LRRC8C: variants seen among roughly 807,000 people sequenced by gnomAD.
The protein encoded by LRRC8C is leucine rich repeat containing 8 VRAC subunit C, also known as volume-regulated anion channel subunit LRRC8C.
In LRRC8C, 20 loss-of-function variants were observed where a neutral mutation model predicts 55.3. That is an observed-to-expected ratio of 0.36 (90% CI 0.25 to 0.53). LRRC8C has a LOEUF of 0.53. Among genes scored for constraint, LRRC8C ranks in the 20% least tolerant of loss-of-function variants. The pLI is 0.92. For missense variants in LRRC8C, 659 were observed against 951.4 expected (o/e 0.69, Z 4.04); for synonymous variants, 376 against 360.7 (o/e 1.04, Z -0.48).
rs1489778976 is a variant in LRRC8C, at chr1:89,715,795, A to T, written c.*813A>T. ...TAATAGATAATTAAATTTTAAAATG[A>T]TAGAAGCCTGGTTTTTGAGTAATTT... On this transcript the variant is annotated 3_prime_UTR_variant, in exon 3 of 3. Transcript: ENST00000370454. 2.6e-5 allele frequency: 4 copies of T among 152,202 alleles called. No homozygotes were observed. Among genetic ancestry groups the T allele is most frequent in the African/African-American group, 9.6e-5 (4 of 41,452 alleles). 9.4% of individuals were successfully genotyped at this position (152,202 alleles called of 1,614,324 possible).
At chr1:89,665,032 A>G (rs1013066262) in intron 1 of LRRC8C, among the ~76,000 whole-genome samples, 5 of 151,502 alleles carry the variant, frequency 3.3e-5, no homozygotes, top group African/African-American at 1.2e-4. Context: ...GCTTAAGGAG[A>G]TGATGATGGG....
chr1:89,691,413 C>T (rs1658024821), intron 2 of LRRC8C, among the ~76,000 whole-genome samples: 1 of 152,162 alleles, frequency 6.6e-6, no homozygotes, highest in African/African-American at 2.4e-5. Context: ...TGGATTGGCA[C>T]AGTGACCGGA....
intron 1 of LRRC8C, among the ~76,000 whole-genome samples, chr1:89,659,034 T>G: frequency 6.7e-6 from 1 of 149,286 alleles, no homozygotes. Flanking sequence ...AATTTTAGGT[T>G]GTGTCTTCTC....
Position 89,715,070 on chromosome 1 carries a change from T to G in LRRC8C, c.*88T>G. The G allele has an allele frequency of 3.6e-6, 3 of 828,808 alleles. No individual in the cohort carries two copies. The highest frequency in any genetic ancestry group is 5.3e-6 in the Non-Finnish European group (3 of 568,146). 51.3% of individuals were successfully genotyped at this position (828,808 alleles called of 1,614,324 possible). Reference sequence around the variant, plus strand: ...TAGTCTTAATGCCTTTCCTATTTTTTTTTCCTTTTCACACAAAATGTACAC... The same window carrying G: ...TAGTCTTAATGCCTTTCCTATTTTTGTTTCCTTTTCACACAAAATGTACAC... On this transcript the variant is annotated 3_prime_UTR_variant, in exon 3 of 3. Transcript: ENST00000370454.
At chr1:89,703,120 T>A (rs539486293) in intron 2 of LRRC8C, among the ~76,000 whole-genome samples, 3 of 152,298 alleles carry the variant, frequency 2.0e-5, no homozygotes, top group African/African-American at 7.2e-5. Context: ...AGATATGGAG[T>A]AGGATTAATC....
Position 89,685,100 on chromosome 1 carries a change from TC to T in LRRC8C, c.-4-1369del, listed in dbSNP as rs370787154. 4.5e-4 allele frequency among the ~76,000 whole-genome samples: 56 copies of T among 124,918 alleles called. 1 individual carries two copies. Among genetic ancestry groups the T allele is most frequent in the African/African-American group, 1.5e-3 (51 of 33,048 alleles). The allele number at this position is 124,918 out of a possible 152,430, so 82.0% of individuals were successfully genotyped here. A position where few individuals can be genotyped will look rare whatever the true frequency, so the allele number is the denominator to read the frequency against. On this transcript the variant is annotated intron_variant, in intron 1 of 2. Coordinates refer to ENST00000370454, the MANE Select transcript of LRRC8C (RefSeq NM_032270.5). ...GTGGGATGTTTATTGTCTATCTAGTTCTTTTTTTTTTTTTTTTTTTTTTTTT... is the reference window on the plus strand; with the variant it reads ...GTGGGATGTTTATTGTCTATCTAGTTTTTTTTTTTTTTTTTTTTTTTTTTT...
chr1:89,656,974 A>ACC, intron 1 of LRRC8C, among the ~76,000 whole-genome samples: 2 of 152,054 alleles, frequency 1.3e-5, no homozygotes, highest in African/African-American at 2.4e-5. Context: ...GGGGTTAAAT[A>ACC]ACCTGCCCAA....
At chr1:89,631,208 C>A (rs573225646), upstream of LRRC8C, among the ~76,000 whole-genome samples, 2 of 152,056 alleles carry the variant, frequency 1.3e-5, no homozygotes, top group South Asian at 4.2e-4. Context: ...CTCACAGCAC[C>A]CTGTAGTACT....
intron 1 of LRRC8C, among the ~76,000 whole-genome samples, chr1:89,644,101 C>T (rs905490808): frequency 6.6e-6 from 1 of 152,196 alleles, no homozygotes; most frequent in Non-Finnish European, 1.5e-5. Context: ...GGTAGGATAG[C>T]TTTCTATCAA....
At chr1:89,635,233 ATTG>A (rs1486531728) in intron 1 of LRRC8C, among the ~76,000 whole-genome samples, 5 of 152,206 alleles carry the variant, frequency 3.3e-5, no homozygotes, top group Admixed American at 6.5e-5. Context: ...TTTTTACCAA[ATTG>A]TTATGATTTT....
chr1:89,705,153 C>G (rs1242972589), intron 2 of LRRC8C, among the ~76,000 whole-genome samples: 2 of 151,272 alleles, frequency 1.3e-5, no homozygotes, highest in Non-Finnish European at 2.9e-5. Context: ...AATCATCATT[C>G]TCAGTAAACT....
chr1:89,620,743 G>C, the LRRC8C span, among the ~76,000 whole-genome samples: 1 of 152,170 alleles, frequency 6.6e-6, no homozygotes, highest in African/African-American at 2.4e-5. Flanking sequence ...GATTTCACAA[G>C]ATCAGGAGAT....
the LRRC8C span, among the ~76,000 whole-genome samples, chr1:89,622,179 C>T: frequency 2.0e-5 from 3 of 152,090 alleles, no homozygotes; most frequent in East Asian, 5.8e-4. Context: ...TCAAGCTGTC[C>T]GGGTTATACT....
chr1:89,683,644 G>C (rs1657789832), intron 1 of LRRC8C, among the ~76,000 whole-genome samples: 1 of 152,074 alleles, frequency 6.6e-6, no homozygotes, highest in Admixed American at 6.5e-5. Flanking sequence ...GTGAGCCACT[G>C]AGCCTGGCCA....
At chr1:89,640,157 T>C (rs1025785561) in intron 1 of LRRC8C, among the ~76,000 whole-genome samples, 2 of 152,216 alleles carry the variant, frequency 1.3e-5, no homozygotes, top group Admixed American at 1.3e-4. Context: ...CGCTGCCTCC[T>C]GGGTTCAAGT....
chr1:89,654,415 C>CA (rs970810637), intron 1 of LRRC8C, among the ~76,000 whole-genome samples: 72 of 151,752 alleles, frequency 4.7e-4, no homozygotes, highest in Admixed American at 3.0e-3. Context: ...TAAATTTATA[C>CA]AAAAAAAAGA....
chr1:89,678,328 G>A (rs965367895), intron 1 of LRRC8C, among the ~76,000 whole-genome samples: 11 of 152,146 alleles, frequency 7.2e-5, no homozygotes, highest in Non-Finnish European at 1.3e-4. Flanking sequence ...GTAACACATC[G>A]ATGAACACAA....
At chr1:89,631,924 T>C (rs1238945969), upstream of LRRC8C, 1 of 152,212 alleles carries the variant, frequency 6.6e-6, no homozygotes. Context: ...AATAGAAACG[T>C]GGTAAAAGGA....
chr1:89,635,394 C>A (rs866737284), intron 1 of LRRC8C, among the ~76,000 whole-genome samples: 8 of 152,116 alleles, frequency 5.3e-5, no homozygotes, highest in African/African-American at 1.7e-4. Flanking sequence ...ATAACATAAT[C>A]TAGCTGCATG....
Sources: allele counts gnomAD v4.1 joint callset (sites outside exome capture counted in the v4.1 genomes callset), GRCh38; gene constraint gnomAD v4.1.1; transcripts MANE v1.5; gene names NCBI Gene and HGNC (gene_info 2026-07-23, HGNC 2026-07-21).